AKT3: variants seen among roughly 807,000 people sequenced by gnomAD.
AKT3 encodes the protein RAC-gamma serine/threonine-protein kinase.
A neutral mutation model predicts 65.3 loss-of-function variants in AKT3; 15 were observed. The ratio of observed to expected loss-of-function variants is 0.23; its 90% CI spans 0.15 to 0.35. AKT3 has a LOEUF of 0.35. Among genes scored for constraint, AKT3 ranks in the 10% least tolerant of loss-of-function variants. The pLI is 1.00. For synonymous variants in AKT3, 206 were observed against 183.8 expected, an observed-to-expected ratio of 1.12 and a Z score of -0.98; for missense variants, 243 against 576.5, an observed-to-expected ratio of 0.42 and a Z score of 5.92.
At chr1:243,572,849 T>G in intron 9 of AKT3, 77 bp downstream of exon 9, 1 of 1,396,834 alleles carries the variant, frequency 7.2e-7, no homozygotes, top group South Asian at 1.5e-5. Context: ...CAAAACTGTA[T>G]AACTTTGTAA....
At chr1:243,797,942 G>A (rs1477112203) in intron 2 of AKT3, among the ~76,000 whole-genome samples, 9 of 149,182 alleles carry the variant, frequency 6.0e-5, no homozygotes, top group African/African-American at 2.2e-4. Flanking sequence ...GAGTGCAGTG[G>A]TGTGATCTCG....
intron 8 of AKT3, among the ~76,000 whole-genome samples, chr1:243,585,948 C>T (rs1433600526): frequency 6.6e-6 from 1 of 151,862 alleles, no homozygotes; most frequent in African/African-American, 2.4e-5. Flanking sequence ...CAGGGTAAAC[C>T]TACAGAATGG....
chr1:243,652,216 T>A (rs1681400543), intron 4 of AKT3, among the ~76,000 whole-genome samples: 1 of 151,890 alleles, frequency 6.6e-6, no homozygotes, highest in Non-Finnish European at 1.5e-5. Flanking sequence ...CTTGGCTAAT[T>A]TTTTTGTATT....
At chr1:243,802,146 T>C (rs1034401633) in intron 2 of AKT3, among the ~76,000 whole-genome samples, 2 of 152,222 alleles carry the variant, frequency 1.3e-5, no homozygotes, top group Admixed American at 6.5e-5. Flanking sequence ...TCCAAATGCC[T>C]GGTCAGAATT....
chr1:243,647,134 A>G (rs1680881775), intron 4 of AKT3, among the ~76,000 whole-genome samples: 1 of 152,208 alleles, frequency 6.6e-6, no homozygotes, highest in Admixed American at 6.5e-5. Context: ...CAATGTTTGT[A>G]ATTTTCTGTG....
At chr1:243,678,060 CCTGGGCA>C (rs1683652726) in intron 3 of AKT3, among the ~76,000 whole-genome samples, 1 of 152,098 alleles carries the variant, frequency 6.6e-6, no homozygotes, top group Non-Finnish European at 1.5e-5. Flanking sequence ...TCCACTCCAG[CCTGGGCA>C]ACAGAGCAAG....
chr1:243,656,674 T>G (rs1218984460), intron 4 of AKT3, among the ~76,000 whole-genome samples: 1 of 152,206 alleles, frequency 6.6e-6, no homozygotes, highest in African/African-American at 2.4e-5. Context: ...AAGAGCACAG[T>G]ATAGCATTAG....
chr1:243,642,404 A>G (rs541100266), intron 5 of AKT3, among the ~76,000 whole-genome samples: 46 of 152,250 alleles, frequency 3.0e-4, no homozygotes, highest in South Asian at 2.1e-3. Flanking sequence ...CTGCCTCCTG[A>G]GATCACGACA....
chr1:243,819,565 T>A (rs1482289325), intron 2 of AKT3, among the ~76,000 whole-genome samples: 1 of 152,224 alleles, frequency 6.6e-6, no homozygotes, highest in East Asian at 1.9e-4. Context: ...TCTTTCTCCC[T>A]GCTGGCTCTG....
chr1:243,656,541 C>A (rs1426070274), intron 4 of AKT3, among the ~76,000 whole-genome samples: 4 of 152,012 alleles, frequency 2.6e-5, no homozygotes, highest in Non-Finnish European at 5.9e-5. Context: ...AAAGGTAATT[C>A]TTGAATGTAG....
Position 243,743,300 on chromosome 1 carries a change from A to G in AKT3, c.47-47584T>C, listed in dbSNP as rs550940110. Among the ~76,000 whole-genome samples the G allele has an allele frequency of 4.6e-5, 7 of 152,338 alleles. No individual in the cohort carries two copies. The East Asian group carries it at 1.3e-3, about 29-fold the overall frequency. Reference sequence around the variant, plus strand: ...TTACCCTGGAAGAAAAACTTTGTATATAAGGGACTTGACCATCCTGGCAAA... The same window carrying G: ...TTACCCTGGAAGAAAAACTTTGTATGTAAGGGACTTGACCATCCTGGCAAA... On this transcript the variant is annotated intron_variant, in intron 2 of 13. Transcript: ENST00000673466.
At chr1:243,661,768 A>C (rs1430865017) in intron 4 of AKT3, among the ~76,000 whole-genome samples, 5 of 149,494 alleles carry the variant, frequency 3.3e-5, no homozygotes, top group African/African-American at 1.2e-4. Context: ...GTGAACAGGC[A>C]ACCTACAAAA....
intron 2 of AKT3, among the ~76,000 whole-genome samples, chr1:243,703,477 T>C (rs1685593447): frequency 6.6e-6 from 1 of 152,110 alleles, no homozygotes; most frequent in South Asian, 2.1e-4. Context: ...AAAATAATCC[T>C]GGGCCAGGCG....
Position 243,837,519 on chromosome 1 carries a change from C to A in AKT3, c.46+5606G>T, listed in dbSNP as rs78243085. Among the ~76,000 whole-genome samples the A allele has an allele frequency of 5.5e-4, 84 of 152,252 alleles. 4 individuals are homozygous for A. In the South Asian group the frequency reaches 0.017, roughly 31 times the overall value. Reference sequence around the variant, plus strand: ...TCAATACTCTTGTAAATGCAAAAAACCCTTAGCAAAATATCAGTAAGTCCA... The same window carrying A: ...TCAATACTCTTGTAAATGCAAAAAAACCTTAGCAAAATATCAGTAAGTCCA... On this transcript the variant is annotated intron_variant, in intron 2 of 13. Transcript: ENST00000673466.
intron 12 of AKT3, among the ~76,000 whole-genome samples, chr1:243,543,046 A>T (rs996819023): frequency 6.7e-6 from 1 of 149,464 alleles, no homozygotes; most frequent in Non-Finnish European, 1.5e-5. Flanking sequence ...GGCACCCATT[A>T]AAAAAAAATA....
rs548271646 is a variant in AKT3, at chr1:243,722,784, A to C, written c.47-27068T>G. On this transcript the variant is annotated intron_variant, in intron 2 of 13. Transcript: ENST00000673466. Reference sequence around the variant, plus strand: ...CAAATTATACCTCAAATATTATATTAGACATGAGCAATGTAAAAACAACTA... The same window carrying C: ...CAAATTATACCTCAAATATTATATTCGACATGAGCAATGTAAAAACAACTA... Among the ~76,000 whole-genome samples the C allele has an allele frequency of 4.6e-5, 7 of 152,330 alleles. No individual in the cohort carries two copies. The South Asian group carries it at 1.4e-3, about 32-fold the overall frequency.
intron 4 of AKT3, among the ~76,000 whole-genome samples, chr1:243,663,929 T>C (rs79743018): frequency 3.0e-4 from 45 of 152,204 alleles, no homozygotes; most frequent in Non-Finnish European, 5.0e-4. Flanking sequence ...CCTGATGAAG[T>C]TGATGAGTTG....
rs1159998934 is a variant in AKT3, at chr1:243,812,612, C to T, written c.46+30513G>A. Among the ~76,000 whole-genome samples, 4 of 152,094 alleles carry T rather than the reference C, an allele frequency of 2.6e-5. No individual in the cohort carries two copies. The East Asian group carries it at 5.8e-4, about 22-fold the overall frequency. ...TCAACCATTGTGGAAGACAGTGTGG[C>T]GATTCCTCAGGGATCTAGAACTAGA... On this transcript the variant is annotated intron_variant, in intron 2 of 13. Coordinates refer to ENST00000673466, the MANE Select transcript of AKT3 (RefSeq NM_005465.7).
chr1:243,759,422 A>G (rs965198535), intron 2 of AKT3, among the ~76,000 whole-genome samples: 1 of 152,054 alleles, frequency 6.6e-6, no homozygotes, highest in African/African-American at 2.4e-5. Flanking sequence ...TAACTTTTTC[A>G]TGACAGCCAG....
Sources: gnomAD v4.1 joint callset for allele counts (sites outside exome capture counted in the v4.1 genomes callset) on GRCh38, gnomAD v4.1.1 for gene constraint, MANE v1.5 for transcripts, NCBI Gene and HGNC (gene_info 2026-07-23, HGNC 2026-07-21) for gene names.